The following STK31 variants were observed in gnomAD, a reference collection of about 807,000 sequenced individuals.
The protein encoded by STK31 is serine/threonine-protein kinase 31.
In STK31, 89 loss-of-function variants were observed where a neutral mutation model predicts 129.7. That is an observed-to-expected ratio of 0.69 (90% CI 0.58 to 0.82). The LOEUF (loss-of-function observed/expected upper bound fraction) is 0.82. Ranked by LOEUF, STK31 falls within the 40% of genes least tolerant of loss-of-function variation. STK31 has a pLI of 0.00. For synonymous variants in STK31, 448 were observed against 395.3 expected (o/e 1.13, Z -1.58); for missense variants, 1,187 against 1,176.4 (o/e 1.01, Z -0.13).
chr7:23,746,002 C>T (rs1200453296), intron 8 of STK31, among the ~76,000 whole-genome samples: 1 of 152,226 alleles, frequency 6.6e-6, no homozygotes, highest in Non-Finnish European at 1.5e-5. Context: ...GCTCCTACCT[C>T]TTCGCGGGTA....
intron 4 of STK31, chr7:23,721,928 G>T (rs1466180637): frequency 8.5e-6 from 3 of 354,078 alleles, no homozygotes; most frequent in Non-Finnish European, 1.6e-5. Context: ...AGCTCCATCA[G>T]GTCATTAAGG....
chr7:23,816,721 C>G (rs1035970964), intron 23 of STK31, among the ~76,000 whole-genome samples: 1 of 152,208 alleles, frequency 6.6e-6, no homozygotes, highest in Non-Finnish European at 1.5e-5. Flanking sequence ...ACTCTGTTCA[C>G]TAAGACAGAA....
intron 6 of STK31, among the ~76,000 whole-genome samples, chr7:23,735,145 G>T (rs1787644263): frequency 6.6e-6 from 1 of 152,046 alleles, no homozygotes; most frequent in South Asian, 2.1e-4. Context: ...AACTTTCAAA[G>T]TTTTGTAAAA....
At chr7:23,713,935 A>G (rs936023610) in intron 3 of STK31, among the ~76,000 whole-genome samples, 12 of 152,350 alleles carry the variant, frequency 7.9e-5, no homozygotes, top group African/African-American at 2.9e-4. Flanking sequence ...TGTACTGTAC[A>G]TAATTGTATG....
chr7:23,717,070 ATTACAGGTG>A (rs1291455151), intron 3 of STK31, among the ~76,000 whole-genome samples: 2 of 122,314 alleles, frequency 1.6e-5, no homozygotes, highest in African/African-American at 6.2e-5. Context: ...AAGTGATGGG[ATTACAGGTG>A]TGAGCCATCG....
At chr7:23,752,879 A>T (rs1788802826) in intron 9 of STK31, 47 bp downstream of exon 9, 2 of 1,263,608 alleles carry the variant, frequency 1.6e-6, no homozygotes, top group Non-Finnish European at 2.3e-6. Flanking sequence ...ACTAATTTTT[A>T]ATCAATTGGT....
chr7:23,829,426 A>C (rs1794409619), intron 23 of STK31, among the ~76,000 whole-genome samples: 1 of 152,160 alleles, frequency 6.6e-6, no homozygotes, highest in Non-Finnish European at 1.5e-5. Context: ...GTGATGGATC[A>C]TGTCGCTGAT....
intron 21 of STK31, 135 bp downstream of exon 21, chr7:23,788,264 G>A (rs566800278): frequency 4.7e-5 from 34 of 722,890 alleles, no homozygotes; most frequent in African/African-American, 3.9e-4. Flanking sequence ...TGTAGTATAA[G>A]CAACTATTTG....
At chr7:23,792,171 G>A (rs1289421032) in intron 22 of STK31, among the ~76,000 whole-genome samples, 1 of 152,152 alleles carries the variant, frequency 6.6e-6, no homozygotes, top group Non-Finnish European at 1.5e-5. Context: ...AAAAGTCATA[G>A]AGTTTGAAAA....
At chr7:23,733,084 T>C (rs1787524291) in intron 6 of STK31, among the ~76,000 whole-genome samples, 1 of 152,138 alleles carries the variant, frequency 6.6e-6, no homozygotes, top group Admixed American at 6.5e-5. Flanking sequence ...GAATTCTTGG[T>C]GAATTCAAAC....
intron 22 of STK31, among the ~76,000 whole-genome samples, chr7:23,791,604 C>T (rs185987743): frequency 3.3e-5 from 5 of 152,192 alleles, no homozygotes; most frequent in Non-Finnish European, 7.4e-5. Context: ...CACATGTACC[C>T]CTTGAACCTA....
At chr7:23,721,556 T>C (rs1169247255) in intron 4 of STK31, 5 of 937,358 alleles carry the variant, frequency 5.3e-6, no homozygotes, top group Admixed American at 1.8e-5. Flanking sequence ...TTTTTTCCTT[T>C]TGGGTGGAGC....
At chr7:23,797,946 C>A (rs1029083589) in intron 22 of STK31, among the ~76,000 whole-genome samples, 1 of 152,156 alleles carries the variant, frequency 6.6e-6, no homozygotes, top group African/African-American at 2.4e-5. Context: ...GAAATCCAAG[C>A]TACCGTCACA....
chr7:23,748,378 T>C (rs1788483982), intron 8 of STK31, among the ~76,000 whole-genome samples: 1 of 152,254 alleles, frequency 6.6e-6, no homozygotes, highest in Non-Finnish European at 1.5e-5. Flanking sequence ...TGGCGTATTT[T>C]GGTGAATCTT....
chr7:23,802,714 A>G (rs371863476), intron 22 of STK31, among the ~76,000 whole-genome samples: 13 of 152,196 alleles, frequency 8.5e-5, no homozygotes, highest in African/African-American at 2.4e-4. Flanking sequence ...AGGTTTCACT[A>G]TGTTGACCAG....
At chr7:23,746,041 G>A (rs1298870664) in intron 8 of STK31, among the ~76,000 whole-genome samples, 1 of 152,238 alleles carries the variant, frequency 6.6e-6, no homozygotes, top group Non-Finnish European at 1.5e-5. Flanking sequence ...GGTGGCTGTG[G>A]GCAGGAGATG....
intron 22 of STK31, among the ~76,000 whole-genome samples, chr7:23,808,943 T>TTATG (rs71552258): frequency 9.5e-5 from 8 of 84,430 alleles, no homozygotes; most frequent in South Asian, 5.3e-4. Context: ...CTTGGAGCTT[T>TTATG]TGTGTGTGTG....
intron 22 of STK31, among the ~76,000 whole-genome samples, chr7:23,810,907 C>T (rs1413436068): frequency 1.5e-5 from 2 of 130,152 alleles, no homozygotes; most frequent in African/African-American, 5.8e-5. Context: ...TATAAATATA[C>T]ATAAAATATA....
intron 6 of STK31, among the ~76,000 whole-genome samples, chr7:23,730,880 T>TA (rs1562555173): frequency 6.1e-3 from 246 of 40,124 alleles, no homozygotes; most frequent in Non-Finnish European, 8.1e-3. Context: ...ATATATATAT[T>TA]TTTTTTTTTT....
Sources: gnomAD v4.1 joint callset for allele counts (sites outside exome capture counted in the v4.1 genomes callset) on GRCh38, gnomAD v4.1.1 for gene constraint, MANE v1.5 for transcripts, NCBI Gene and HGNC (gene_info 2026-07-23, HGNC 2026-07-21) for gene names.